Variants in CUL2 observed in about 807,000 individuals in gnomAD.
CUL2 encodes the protein cullin 2.
CUL2 carries 22 observed loss-of-function variants against 110.2 expected under a neutral mutation model. The observed-to-expected ratio is 0.20, with a 90% CI of 0.14 to 0.28. The LOEUF (loss-of-function observed/expected upper bound fraction) is 0.28. Among genes scored for constraint, CUL2 ranks in the 10% least tolerant of loss-of-function variants. The probability of loss-of-function intolerance (pLI) is 1.00; values close to 1 mark genes in which losing one functional copy is unlikely to be tolerated. For synonymous variants in CUL2, 279 were observed against 293.2 expected, an observed-to-expected ratio of 0.95 and a Z score of 0.49; for missense variants, 631 against 905.5, an observed-to-expected ratio of 0.70 and a Z score of 3.89.
intron 2 of CUL2, among the ~76,000 whole-genome samples, chr10:35,064,907 A>T (rs1051943342): frequency 6.6e-6 from 1 of 152,188 alleles, no homozygotes; most frequent in African/African-American, 2.4e-5. Context: ...CAGCTTAAGG[A>T]GAAAGGAGCT....
Position 35,011,958 on chromosome 10 carries a change from C to T in CUL2, c.1996G>A (p.Glu666Lys). 1 of 1,585,852 alleles carries T rather than the reference C, an allele frequency of 6.3e-7. No individual in the cohort carries two copies. The highest frequency in any genetic ancestry group is 8.6e-7 in the Non-Finnish European group (1 of 1,161,872). Residue 666 changes from glutamate to lysine, a missense_variant, in exon 20 of 21, where the codon GAG (glutamate) becomes AAG (lysine). Physicochemically the swap from Glu to Lys is moderately conservative, Grantham distance 56. Coordinates refer to ENST00000374749, the MANE Select transcript of CUL2 (RefSeq NM_003591.4). ...SMQKDTPQEM[E>K]QTRSAVDEDR... ...TCATCAACTGCACTTCTAGTCTGCT[C>T]CATTTCCTGTTTTACAGAAGAAAAG...
intron 1 of CUL2, chr10:35,079,643 A>G (rs1238345731): frequency 6.5e-6 from 1 of 154,262 alleles, no homozygotes; most frequent in Non-Finnish European, 1.5e-5. Context: ...CTTTTCTTTC[A>G]TAATTGTGAA....
At chr10:35,028,359 C>G (rs2085385436) in intron 16 of CUL2, among the ~76,000 whole-genome samples, 1 of 152,210 alleles carries the variant, frequency 6.6e-6, no homozygotes. Flanking sequence ...CACTATCAAT[C>G]ACTGTTACTA....
chr10:35,071,125 CA>C, intron 2 of CUL2, 73 bp downstream of exon 2: 1 of 1,437,038 alleles, frequency 7.0e-7, no homozygotes, highest in African/African-American at 1.4e-5. Flanking sequence ...TCTTCCATAA[CA>C]TTGAACATGT....
At chr10:35,051,998 CT>C (rs1233691995) in intron 5 of CUL2, among the ~76,000 whole-genome samples, 6 of 152,154 alleles carry the variant, frequency 3.9e-5, no homozygotes, top group Non-Finnish European at 8.8e-5. Flanking sequence ...CCTACTCTGC[CT>C]TCCAAGTTTT....
chr10:35,105,719 A>G (rs916708895), intron 1 of CUL2, among the ~76,000 whole-genome samples: 15 of 150,894 alleles, frequency 9.9e-5, no homozygotes, highest in Non-Finnish European at 2.2e-4. Flanking sequence ...AAAAAAAAAA[A>G]GAAAAAAACC....
chr10:35,120,203 C>T (rs537377139), intron 1 of CUL2, among the ~76,000 whole-genome samples: 2 of 152,266 alleles, frequency 1.3e-5, no homozygotes, highest in African/African-American at 4.8e-5. Context: ...AAGGCTTAGA[C>T]ACAAATACCA....
chr10:35,045,629 C>T (rs971170673), intron 6 of CUL2, among the ~76,000 whole-genome samples: 10 of 151,478 alleles, frequency 6.6e-5, no homozygotes, highest in Admixed American at 1.3e-4. Flanking sequence ...GTGGGAGGAT[C>T]GTTTGAGCCC....
At position 35,035,239 on chromosome 10, in the gene CUL2, A is replaced by G; in HGVS notation, c.935T>C (p.Ile312Thr). The change falls in exon 10 of 21, where the codon ATT (isoleucine) becomes ACT (threonine). Residue 312 changes from isoleucine (I) to threonine (T), a missense_variant. Around this residue, in one of 3 missense-constraint regions of CUL2, gnomAD observed 338 missense variants for 442.5 expected, o/e 0.76. Coordinates refer to ENST00000374749, the MANE Select transcript of CUL2 (RefSeq NM_003591.4). ...RAVSTGLPHM[I>T]QELQNHIHDE... ...ATGGATGTGGTTTTGCAGCTCCTGA[A>G]TCATATGAGGTAAACCAGTGGACAC... 2 of 1,614,146 alleles carry G rather than the reference A, an allele frequency of 1.2e-6. No homozygotes were observed. The highest frequency in any genetic ancestry group is 8.5e-7 in the Non-Finnish European group (1 of 1,179,992).
chr10:35,065,884 T>C (rs530623676), intron 2 of CUL2, among the ~76,000 whole-genome samples: 2 of 152,116 alleles, frequency 1.3e-5, no homozygotes, highest in Admixed American at 1.3e-4. Context: ...ACAAAATAAC[T>C]AGGTCAGATT....
chr10:35,109,258 A>C (rs567414815), intron 1 of CUL2, among the ~76,000 whole-genome samples: 6 of 152,302 alleles, frequency 3.9e-5, no homozygotes, highest in Non-Finnish European at 5.9e-5. Flanking sequence ...AAACAAAACA[A>C]AACACAACAA....
Position 35,073,738 on chromosome 10 carries a change from G to C in CUL2, c.-22-2399C>G, listed in dbSNP as rs1235961524. Among the ~76,000 whole-genome samples the C allele has an allele frequency of 2.6e-5, 4 of 151,902 alleles. No homozygotes were observed. The East Asian group carries it at 7.7e-4, about 29-fold the overall frequency. ...TCCAGCCTCAGCCTCCCAAGTAGCT[G>C]AGATTACAGGCGTCTGCCACCACAC... is the stretch of plus-strand genomic sequence containing the variant. On this transcript the variant is annotated intron_variant, in intron 1 of 20. Transcript: ENST00000374749.
At chr10:35,072,602 T>G (rs998630847) in intron 1 of CUL2, among the ~76,000 whole-genome samples, 9 of 152,224 alleles carry the variant, frequency 5.9e-5, no homozygotes, top group African/African-American at 2.2e-4. Flanking sequence ...TCTCCTGACC[T>G]CGTGATCCGC....
intron 1 of CUL2, among the ~76,000 whole-genome samples, chr10:35,081,100 G>C (rs184796392): frequency 6.6e-6 from 1 of 152,162 alleles, no homozygotes; most frequent in Non-Finnish European, 1.5e-5. Flanking sequence ...TGCGCCCGCA[G>C]GGAGTCCCAG....
intron 2 of CUL2, among the ~76,000 whole-genome samples, chr10:35,065,210 C>G (rs981789973): frequency 9.9e-5 from 15 of 152,158 alleles, no homozygotes; most frequent in African/African-American, 2.7e-4. Context: ...CTCCAACACT[C>G]AGTTATGACT....
intron 2 of CUL2, among the ~76,000 whole-genome samples, chr10:35,097,541 C>T (rs1024923373): frequency 6.6e-6 from 1 of 151,552 alleles, no homozygotes; most frequent in Non-Finnish European, 1.5e-5. Flanking sequence ...TGACAAATAC[C>T]CTTCAGTCAG....
chr10:35,055,934 T>C (rs151011584), intron 4 of CUL2, among the ~76,000 whole-genome samples: 163 of 152,222 alleles, frequency 1.1e-3, no homozygotes, highest in African/African-American at 3.8e-3. Context: ...CTGAGGGTAG[T>C]CAGTCCCCTT....
At chr10:35,079,643 A>C (rs1238345731) in intron 1 of CUL2, 1 of 154,262 alleles carries the variant, frequency 6.5e-6, no homozygotes, top group East Asian at 1.9e-4. Context: ...CTTTTCTTTC[A>C]TAATTGTGAA....
intron 1 of CUL2, chr10:35,089,915 A>G (rs1476045406): frequency 6.6e-6 from 1 of 152,312 alleles, no homozygotes; most frequent in Non-Finnish European, 1.5e-5. Flanking sequence ...TTCGAAGGAA[A>G]ATGGGGCCGC....
Sources: allele counts gnomAD v4.1 joint callset (sites outside exome capture counted in the v4.1 genomes callset), GRCh38; gene constraint gnomAD v4.1.1; regional missense constraint gnomAD v4.1.1; transcripts MANE v1.5; gene names NCBI Gene and HGNC (gene_info 2026-07-23, HGNC 2026-07-21).